The following HSD17B11 variants were observed in gnomAD, a reference collection of about 807,000 sequenced individuals.
HSD17B11 encodes the protein estradiol 17-beta-dehydrogenase 11.
HSD17B11 carries 22 observed loss-of-function variants against 27.8 expected under a neutral mutation model. The observed-to-expected ratio is 0.79, with a 90% CI of 0.56 to 1.13. The LOEUF (loss-of-function observed/expected upper bound fraction) is 1.13. Among genes scored for constraint, HSD17B11 ranks in the 50% most tolerant of loss-of-function variants. The probability of loss-of-function intolerance (pLI) is 0.00; values close to 1 mark genes in which losing one functional copy is unlikely to be tolerated. For missense variants in HSD17B11, 314 were observed against 351.1 expected, an observed-to-expected ratio of 0.89 and a Z score of 0.84; for synonymous variants, 117 against 132.8, an observed-to-expected ratio of 0.88 and a Z score of 0.82.
chr4:87,365,672 T>C (rs1331381735), intron 4 of HSD17B11, among the ~76,000 whole-genome samples: 2 of 152,126 alleles, frequency 1.3e-5, no homozygotes, highest in Non-Finnish European at 2.9e-5. Context: ...GAAGTTAGCA[T>C]TGTAATGTGT....
chr4:87,358,557 A>G (rs1735436612), intron 4 of HSD17B11, among the ~76,000 whole-genome samples: 1 of 152,196 alleles, frequency 6.6e-6, no homozygotes, highest in Admixed American at 6.5e-5. Context: ...CACTTAATGT[A>G]CACAATTAAA....
chr4:87,387,602 G>C (rs544191369), intron 1 of HSD17B11, among the ~76,000 whole-genome samples: 1 of 152,130 alleles, frequency 6.6e-6, no homozygotes, highest in South Asian at 2.1e-4. Context: ...TCTATAAAAC[G>C]GCAAGAAAAA....
rs552514761 is a variant in HSD17B11, at chr4:87,365,041, C to T, written c.558-7625G>A. Among the ~76,000 whole-genome samples the T allele has an allele frequency of 2.0e-4, 30 of 152,196 alleles. No homozygotes were observed. In the South Asian group the frequency reaches 5.6e-3, roughly 28 times the overall value. On this transcript the variant is annotated intron_variant, in intron 4 of 6. Coordinates refer to ENST00000358290, the MANE Select transcript of HSD17B11 (RefSeq NM_016245.5). ...AAAATTAGCTGGGTGTGGTGGTGGG[C>T]GCCTGTAATCCCAGCTACGCGGGAG...
rs1720021400 is a variant in HSD17B11 at position 87,378,886 on chromosome 4, ATATATATAAATATATAT to A, written c.318+3352_318+3368del. 6.6e-4 allele frequency among the ~76,000 whole-genome samples: 5 copies of A among 7,612 alleles called. 2 individuals carry two copies. Among genetic ancestry groups the A allele is most frequent in the African/African-American group, 3.5e-3 (5 of 1,420 alleles). The allele number at this position is 7,612 out of a possible 152,430, so 5.0% of individuals were successfully genotyped here. A position where few individuals can be genotyped will look rare whatever the true frequency, so the allele number is the denominator to read the frequency against. ...TATATAAATATATATATATAAATAT[ATATATATAAATATATAT>A]AAATATATATATATAAATATATATA... On this transcript the variant is annotated intron_variant, in intron 2 of 6. Transcript: ENST00000358290.
At chr4:87,342,037 T>A (rs1425058631) in intron 5 of HSD17B11, among the ~76,000 whole-genome samples, 4 of 152,208 alleles carry the variant, frequency 2.6e-5, no homozygotes, top group African/African-American at 9.6e-5. Context: ...ACTAAACTAT[T>A]TGGGTGGCTA....
Position 87,366,926 on chromosome 4 carries a change from G to C in HSD17B11, c.557+5783C>G, listed in dbSNP as rs181764021. Among the ~76,000 whole-genome samples the C allele has an allele frequency of 3.8e-3, 563 of 148,940 alleles. 1 individual carries two copies. The highest frequency in any genetic ancestry group is 0.013 in the African/African-American group (529 of 41,402). Reference sequence around the variant, plus strand: ...TTAACTGAACCAATAGAAAACTGAAGTAATTTTTTTTAACTTTGCTTAAAA... The same window carrying C: ...TTAACTGAACCAATAGAAAACTGAACTAATTTTTTTTAACTTTGCTTAAAA... On this transcript the variant is annotated intron_variant, in intron 4 of 6. Transcript: ENST00000358290.
At chr4:87,347,103 A>ATTTTTT (rs763068482) in intron 5 of HSD17B11, among the ~76,000 whole-genome samples, 1,300 of 62,446 alleles carry the variant, frequency 0.021, 71 homozygotes, top group South Asian at 0.034. Flanking sequence ...AGTATTCTGG[A>ATTTTTT]TTTTTTTTTT....
At chr4:87,344,420 T>G (rs947777751) in intron 5 of HSD17B11, among the ~76,000 whole-genome samples, 1 of 152,216 alleles carries the variant, frequency 6.6e-6, no homozygotes, top group Non-Finnish European at 1.5e-5. Context: ...TGGAAAGAGA[T>G]AATTTATTTC....
intron 5 of HSD17B11, among the ~76,000 whole-genome samples, chr4:87,356,904 T>C (rs538724709): frequency 6.6e-6 from 1 of 152,248 alleles, no homozygotes; most frequent in East Asian, 1.9e-4. Flanking sequence ...CCAGGCTCCC[T>C]TCCCTGCCAC....
At chr4:87,381,760 CAAAAA>C (rs33982875) in intron 2 of HSD17B11, among the ~76,000 whole-genome samples, 2 of 132,748 alleles carry the variant, frequency 1.5e-5, no homozygotes, top group Non-Finnish European at 1.6e-5. Context: ...CCCCCCATCT[CAAAAA>C]AAAAAAAAAA....
intron 5 of HSD17B11, among the ~76,000 whole-genome samples, chr4:87,353,560 T>G (rs934472957): frequency 3.4e-4 from 52 of 152,206 alleles, no homozygotes; most frequent in African/African-American, 1.2e-3. Flanking sequence ...GCCAGGTTTA[T>G]ATTCAGCCTA....
chr4:87,357,138 C>T, intron 5 of HSD17B11, 141 bp downstream of exon 5: 1 of 933,086 alleles, frequency 1.1e-6, no homozygotes, highest in Non-Finnish European at 1.5e-6. Flanking sequence ...TGTTTTCCCA[C>T]AATCTGCAGA....
At chr4:87,339,914 C>T (rs900009510) in intron 6 of HSD17B11, among the ~76,000 whole-genome samples, 3 of 152,126 alleles carry the variant, frequency 2.0e-5, no homozygotes, top group Admixed American at 2.0e-4. Context: ...AATATGCGTA[C>T]AAATCATCTA....
rs371520546 is a variant in HSD17B11, at chr4:87,391,101, T to G, written c.-31A>C. 3.2e-3 allele frequency: 2,617 copies of G among 821,776 alleles called. 3 individuals carry two copies. The highest frequency in any genetic ancestry group is 9.9e-3 in the African/African-American group (241 of 24,384). The allele number at this position is 821,776 out of a possible 1,614,324, so 50.9% of individuals were successfully genotyped here. A position where few individuals can be genotyped will look rare whatever the true frequency, so the allele number is the denominator to read the frequency against. Reference sequence around the variant, plus strand: ...TTGTGGCTGCGAGCGTTTGGTGTGTTTTTTTTTTTTTTTACCACTCTAAAC... The same window carrying G: ...TTGTGGCTGCGAGCGTTTGGTGTGTGTTTTTTTTTTTTTACCACTCTAAAC... On this transcript the variant is annotated 5_prime_UTR_variant, in exon 1 of 7. Transcript: ENST00000358290.
In HSD17B11 at chr4:87,379,451, T is replaced by C. The variant is rs147651572; in HGVS notation, c.318+2804A>G. Among the ~76,000 whole-genome samples the C allele has an allele frequency of 4.2e-3, 620 of 147,320 alleles. 14 individuals are homozygous for C. The highest frequency in any genetic ancestry group is 0.037 in the Admixed American group (542 of 14,568). On this transcript the variant is annotated intron_variant, in intron 2 of 6. Transcript: ENST00000358290. ...AGAATTACTTGGGCAGATTCCTGGA[T>C]ATATATATAATATTTATATTGTTAT...
chr4:87,373,899 T>G (rs1050742113), intron 3 of HSD17B11, among the ~76,000 whole-genome samples: 12 of 152,178 alleles, frequency 7.9e-5, no homozygotes, highest in Non-Finnish European at 1.3e-4. Context: ...GAACTGGCTA[T>G]TTGGGCAATA....
At chr4:87,353,967 A>G (rs574529947) in intron 5 of HSD17B11, among the ~76,000 whole-genome samples, 34 of 152,304 alleles carry the variant, frequency 2.2e-4, no homozygotes, top group Admixed American at 1.7e-3. Context: ...CCTGAAAAAC[A>G]TATCTGTCCC....
At chr4:87,386,480 G>A (rs1208627565) in intron 1 of HSD17B11, among the ~76,000 whole-genome samples, 1 of 152,138 alleles carries the variant, frequency 6.6e-6, no homozygotes, top group Non-Finnish European at 1.5e-5. Context: ...TGGGATTACA[G>A]GGGTGAGCCA....
At chr4:87,389,362 A>G (rs977234442) in intron 1 of HSD17B11, among the ~76,000 whole-genome samples, 1 of 152,110 alleles carries the variant, frequency 6.6e-6, no homozygotes, top group African/African-American at 2.4e-5. Context: ...AGCTGGGATT[A>G]CAAGTACACG....
Sources: gnomAD v4.1 joint callset for allele counts (sites outside exome capture counted in the v4.1 genomes callset) on GRCh38, gnomAD v4.1.1 for gene constraint, MANE v1.5 for transcripts, NCBI Gene and HGNC (gene_info 2026-07-23, HGNC 2026-07-21) for gene names.